CCDC192: variants seen among roughly 807,000 people sequenced by gnomAD.
CCDC192 encodes the protein coiled-coil domain-containing protein 192.
At chr5:127,786,484 T>G (rs1756544763) in intron 3 of CCDC192, 1 of 631,282 alleles carries the variant, frequency 1.6e-6, no homozygotes, top group East Asian at 2.6e-5. Flanking sequence ...CACCATTTCC[T>G]TCCTTTTTGA....
chr5:127,877,339 C>G (rs532664117), intron 6 of CCDC192, among the ~76,000 whole-genome samples: 37 of 123,312 alleles, frequency 3.0e-4, no homozygotes, highest in Non-Finnish European at 5.9e-4. Context: ...GCCCATTATT[C>G]TCTTTATTTT....
At position 127,792,539 on chromosome 5, in the gene CCDC192, T is replaced by TAC. The variant is rs1003421249; in HGVS notation, c.223-4563_223-4562insCA. On this transcript the variant is annotated intron_variant, in intron 3 of 6. Transcript: ENST00000514853. ...TATCACCATCTCATATATATATATA[T>TAC]ATATATATGTATAAAAATTAGCTGG... is the stretch of plus-strand genomic sequence containing the variant. 6.4e-4 allele frequency among the ~76,000 whole-genome samples: 96 copies of TAC among 149,932 alleles called. 1 individual carries two copies. The highest frequency in any genetic ancestry group is 2.2e-3 in the African/African-American group (92 of 40,900).
At chr5:127,858,947 C>T (rs75262431) in intron 5 of CCDC192, among the ~76,000 whole-genome samples, 1 of 151,200 alleles carries the variant, frequency 6.6e-6, no homozygotes, top group Non-Finnish European at 1.5e-5. Flanking sequence ...TAAAAAAAAA[C>T]ACTGTCACAT....
intron 2 of CCDC192, among the ~76,000 whole-genome samples, chr5:127,714,149 A>G (rs1212142504): frequency 1.3e-5 from 2 of 152,166 alleles, no homozygotes; most frequent in African/African-American, 2.4e-5. Context: ...AGGTCCACCT[A>G]TGTTACTGCA....
chr5:127,755,106 C>T (rs1291843893), intron 3 of CCDC192, among the ~76,000 whole-genome samples: 1 of 152,252 alleles, frequency 6.6e-6, no homozygotes, highest in African/African-American at 2.4e-5. Flanking sequence ...AGTCTCGGTC[C>T]CCCAGTGCTC....
At chr5:127,899,550 T>C (rs1254068656) in intron 6 of CCDC192, among the ~76,000 whole-genome samples, 1 of 128,264 alleles carries the variant, frequency 7.8e-6, no homozygotes, top group Non-Finnish European at 1.6e-5. Context: ...TAAACCATCG[T>C]CACACTGCAC....
intron 6 of CCDC192, among the ~76,000 whole-genome samples, chr5:127,937,854 C>T (rs1461047193): frequency 2.0e-5 from 3 of 152,226 alleles, no homozygotes; most frequent in Non-Finnish European, 4.4e-5. Context: ...CCAGGGGTGA[C>T]ACTAAACTCC....
intron 3 of CCDC192, among the ~76,000 whole-genome samples, chr5:127,765,101 T>G (rs1457268202): frequency 6.6e-6 from 1 of 152,194 alleles, no homozygotes; most frequent in Non-Finnish European, 1.5e-5. Flanking sequence ...GCAGGTCCCT[T>G]GGAGGTTCCT....
intron 3 of CCDC192, among the ~76,000 whole-genome samples, chr5:127,781,290 T>A (rs1756204479): frequency 6.6e-6 from 1 of 152,170 alleles, no homozygotes; most frequent in African/African-American, 2.4e-5. Context: ...TTCTTTTTGT[T>A]TAGTCTTATT....
At chr5:127,911,503 T>C (rs1753346035) in intron 6 of CCDC192, among the ~76,000 whole-genome samples, 1 of 152,140 alleles carries the variant, frequency 6.6e-6, no homozygotes, top group Non-Finnish European at 1.5e-5. Flanking sequence ...AAGCATGTAT[T>C]ATATTCTTCT....
intron 2 of CCDC192, among the ~76,000 whole-genome samples, chr5:127,745,868 A>G (rs1179575522): frequency 1.3e-5 from 2 of 152,246 alleles, no homozygotes; most frequent in African/African-American, 2.4e-5. Context: ...TGGAAGTCCT[A>G]TCTTTCTGCC....
chr5:127,760,861 C>A (rs1380024421), intron 3 of CCDC192, among the ~76,000 whole-genome samples: 1 of 152,026 alleles, frequency 6.6e-6, no homozygotes, highest in Non-Finnish European at 1.5e-5. Context: ...TAAGATACCC[C>A]TCCTTGTTGG....
At chr5:127,733,504 T>C (rs1252941458) in intron 2 of CCDC192, among the ~76,000 whole-genome samples, 1 of 152,154 alleles carries the variant, frequency 6.6e-6, no homozygotes, top group Non-Finnish European at 1.5e-5. Context: ...GTCAAGGACC[T>C]CGCATCAGTC....
At chr5:127,745,464 T>C (rs941690494) in intron 2 of CCDC192, among the ~76,000 whole-genome samples, 2 of 152,220 alleles carry the variant, frequency 1.3e-5, no homozygotes, top group African/African-American at 4.8e-5. Flanking sequence ...CATCCATGCA[T>C]AATAATAGTC....
At chr5:127,736,701 T>G (rs1244372102) in intron 2 of CCDC192, among the ~76,000 whole-genome samples, 1 of 151,690 alleles carries the variant, frequency 6.6e-6, no homozygotes, top group Non-Finnish European at 1.5e-5. Context: ...TTCTAGATTT[T>G]CTAGTTTATT....
At chr5:127,876,946 C>T (rs1374560185) in intron 6 of CCDC192, among the ~76,000 whole-genome samples, 3 of 152,118 alleles carry the variant, frequency 2.0e-5, no homozygotes, top group Non-Finnish European at 4.4e-5. Context: ...TTGCTTTTAC[C>T]ACCATGAAAC....
chr5:127,755,723 A>G (rs1426885841), intron 3 of CCDC192, among the ~76,000 whole-genome samples: 3 of 150,700 alleles, frequency 2.0e-5, no homozygotes, highest in Admixed American at 6.6e-5. Flanking sequence ...CCAAATTGGG[A>G]AAGATTTTTC....
intron 2 of CCDC192, among the ~76,000 whole-genome samples, chr5:127,717,165 C>T (rs1037119518): frequency 6.6e-6 from 1 of 152,114 alleles, no homozygotes; most frequent in African/African-American, 2.4e-5. Flanking sequence ...TGCTTGCAAA[C>T]TTCAGGGAAG....
chr5:127,760,258 A>C (rs575618550), intron 3 of CCDC192, among the ~76,000 whole-genome samples: 1 of 97,644 alleles, frequency 1.0e-5, no homozygotes, highest in Non-Finnish European at 2.0e-5. Context: ...AACCATTTTA[A>C]TACAGTGGTT....
Sources: allele counts gnomAD v4.1 joint callset (sites outside exome capture counted in the v4.1 genomes callset), GRCh38; gene constraint gnomAD v4.1.1; transcripts MANE v1.5; gene names NCBI Gene and HGNC (gene_info 2026-07-23, HGNC 2026-07-21).